Variants in UBL3 observed in about 807,000 individuals in gnomAD.
UBL3 encodes the protein ubiquitin-like protein 3.
Under a neutral mutation model 18.4 loss-of-function variants are expected in UBL3, and 6 were observed. That is an observed-to-expected ratio of 0.33 (90% CI 0.18 to 0.64). The LOEUF (loss-of-function observed/expected upper bound fraction) is 0.64. UBL3 is among the 30% of genes least tolerant of loss of function. The pLI, the probability that UBL3 is intolerant of heterozygous loss-of-function variation, is 0.76. For missense variants in UBL3, 109 were observed against 142.9 expected, an observed-to-expected ratio of 0.76 and a Z score of 1.21; for synonymous variants, 49 against 46.6, an observed-to-expected ratio of 1.05 and a Z score of -0.21.
At chr13:29,776,257 C>CTTT (rs1565989095) in intron 2 of UBL3, among the ~76,000 whole-genome samples, 3 of 97,174 alleles carry the variant, frequency 3.1e-5, no homozygotes, top group East Asian at 3.5e-4. Context: ...TTTTTCTTTT[C>CTTT]TTTCTTTTTT....
chr13:29,768,263 A>C (rs1294212419), intron 3 of UBL3, among the ~76,000 whole-genome samples: 1 of 152,150 alleles, frequency 6.6e-6, no homozygotes, highest in Non-Finnish European at 1.5e-5. Flanking sequence ...TTCCTAATCA[A>C]GTCTTTATAA....
chr13:29,771,791 C>T (rs1395954381), intron 3 of UBL3, among the ~76,000 whole-genome samples: 4 of 151,928 alleles, frequency 2.6e-5, no homozygotes, highest in Non-Finnish European at 5.9e-5. Context: ...TTTGTGTGTC[C>T]AGTCTTAAGT....
At chr13:29,768,054 T>TA (rs1876739892) in intron 3 of UBL3, among the ~76,000 whole-genome samples, 1 of 152,072 alleles carries the variant, frequency 6.6e-6, no homozygotes, top group African/African-American at 2.4e-5. Context: ...GATTAAGAGA[T>TA]ATTCATTTCT....
intron 1 of UBL3, among the ~76,000 whole-genome samples, chr13:29,788,870 T>TGTGTGTGCGC (rs1180662351): frequency 1.2e-3 from 26 of 20,930 alleles, no homozygotes; most frequent in East Asian, 5.2e-3. Context: ...TGTGTGTGTG[T>TGTGTGTGCGC]GCGCGCGCGC....
At chr13:29,790,098 A>T (rs7335148) in intron 1 of UBL3, among the ~76,000 whole-genome samples, 89,173 of 152,030 alleles carry the variant, frequency 0.59, 26,949 homozygotes, top group Non-Finnish European at 0.66. Context: ...GTATGACTTC[A>T]CCCTATGAAA....
chr13:29,824,521 C>T (rs956944325), intron 1 of UBL3, among the ~76,000 whole-genome samples: 1 of 152,188 alleles, frequency 6.6e-6, no homozygotes, highest in South Asian at 2.1e-4. Flanking sequence ...TGAGAAGTGT[C>T]TGTTCATATC....
Position 29,850,209 on chromosome 13 carries a change from G to C in UBL3, c.-671C>G, listed in dbSNP as rs1217493735. On this transcript the variant is annotated 5_prime_UTR_variant, in exon 1 of 5. Coordinates refer to ENST00000380680, the MANE Select transcript of UBL3 (RefSeq NM_007106.4). ...GGAAGCCAAAGCGAAAGACCGGAGC[G>C]GGGGACCGACAGCGCGGGGGTGCTC... The C allele has an allele frequency of 1.3e-5, 2 of 152,890 alleles. No homozygotes were observed. Among genetic ancestry groups the C allele is most frequent in the African/African-American group, 2.4e-5 (1 of 41,592 alleles). The allele number at this position is 152,890 out of a possible 1,614,324, so 9.5% of individuals were successfully genotyped here.
At chr13:29,824,530 T>C (rs1878565280) in intron 1 of UBL3, among the ~76,000 whole-genome samples, 2 of 152,256 alleles carry the variant, frequency 1.3e-5, no homozygotes, top group Non-Finnish European at 2.9e-5. Context: ...TCTGTTCATA[T>C]CCTTCGCCCA....
At chr13:29,812,395 T>A (rs1298513985) in intron 1 of UBL3, among the ~76,000 whole-genome samples, 1 of 152,072 alleles carries the variant, frequency 6.6e-6, no homozygotes, top group East Asian at 1.9e-4. Flanking sequence ...ATTAATACAC[T>A]CTTAGCCAAG....
intron 4 of UBL3, 78 bp from the exon 5 acceptor site, chr13:29,767,385 G>T: frequency 6.6e-7 from 1 of 1,520,616 alleles, no homozygotes; most frequent in Non-Finnish European, 9.0e-7. Context: ...ATCAAGTGTA[G>T]GAAGTAGTAG....
chr13:29,794,539 A>G (rs939678529), intron 1 of UBL3, among the ~76,000 whole-genome samples: 2 of 152,230 alleles, frequency 1.3e-5, no homozygotes. Context: ...ATGATTTTAA[A>G]TTGTATTTTA....
intron 2 of UBL3, among the ~76,000 whole-genome samples, chr13:29,774,167 A>G (rs1388261398): frequency 6.6e-6 from 1 of 152,138 alleles, no homozygotes; most frequent in East Asian, 1.9e-4. Flanking sequence ...TACAATCAAT[A>G]TTCAGTACTG....
rs1315989468 is a variant in UBL3, at chr13:29,846,200, T to C, written c.27+3312A>G. Among the ~76,000 whole-genome samples, 3 of 152,256 alleles carry C rather than the reference T, an allele frequency of 2.0e-5. No homozygotes were observed. The East Asian group carries it at 5.8e-4, about 29-fold the overall frequency. On this transcript the variant is annotated intron_variant, in intron 1 of 4. Coordinates refer to ENST00000380680, the MANE Select transcript of UBL3 (RefSeq NM_007106.4). ...ATAAATACATCATTTAAATACAATA[T>C]ATTATAATGATATTCTGTTGAGATA...
intron 1 of UBL3, among the ~76,000 whole-genome samples, chr13:29,828,546 T>C (rs1423242372): frequency 1.3e-5 from 2 of 152,208 alleles, no homozygotes; most frequent in African/African-American, 4.8e-5. Context: ...TAAGGACTTC[T>C]CTACACTGGT....
chr13:29,786,300 A>C (rs938172889), intron 1 of UBL3, among the ~76,000 whole-genome samples: 17 of 152,322 alleles, frequency 1.1e-4, no homozygotes, highest in African/African-American at 4.1e-4. Context: ...GGGGTCTTTC[A>C]GTCAAAACTG....
At chr13:29,775,892 T>C (rs1036358888) in intron 2 of UBL3, among the ~76,000 whole-genome samples, 4 of 151,810 alleles carry the variant, frequency 2.6e-5, no homozygotes, top group Non-Finnish European at 4.4e-5. Context: ...CCTGGGATTA[T>C]AGACGTGAGC....
chr13:29,792,598 C>T (rs1877510181), intron 1 of UBL3, among the ~76,000 whole-genome samples: 1 of 152,180 alleles, frequency 6.6e-6, no homozygotes, highest in Non-Finnish European at 1.5e-5. Context: ...CAACCTGTGA[C>T]TAGTGACACT....
chr13:29,790,565 C>T (rs956606332), intron 1 of UBL3, among the ~76,000 whole-genome samples: 6 of 152,158 alleles, frequency 3.9e-5, no homozygotes, highest in South Asian at 2.1e-4. Flanking sequence ...CACCAACCCC[C>T]AAGAGGTATT....
intron 1 of UBL3, among the ~76,000 whole-genome samples, chr13:29,835,781 A>T (rs868290103): frequency 7.0e-6 from 1 of 143,434 alleles, no homozygotes; most frequent in Non-Finnish European, 1.5e-5. Flanking sequence ...AAAAAAAAAA[A>T]GTATATTGAT....
Sources: allele counts gnomAD v4.1 joint callset (sites outside exome capture counted in the v4.1 genomes callset), GRCh38; gene constraint gnomAD v4.1.1; transcripts MANE v1.5; gene names NCBI Gene and HGNC (gene_info 2026-07-23, HGNC 2026-07-21).